DIAPH3: variants seen among roughly 807,000 people sequenced by gnomAD.
The protein encoded by DIAPH3 is diaphanous related formin 3, also known as protein diaphanous homolog 3.
Under a neutral mutation model 144.3 loss-of-function variants are expected in DIAPH3, and 117 were observed. The ratio of observed to expected loss-of-function variants is 0.81; its 90% confidence interval spans 0.70 to 0.95. DIAPH3 has a LOEUF of 0.95. DIAPH3 is among the 40% of genes least tolerant of loss of function. The probability of loss-of-function intolerance (pLI) is 0.00; values close to 1 mark genes in which losing one functional copy is unlikely to be tolerated. For synonymous variants in DIAPH3, 519 were observed against 488.9 expected, an observed-to-expected ratio of 1.06 and a Z score of -0.81; for missense variants, 1,421 against 1,412.7, an observed-to-expected ratio of 1.01 and a Z score of -0.09.
intron 21 of DIAPH3, among the ~76,000 whole-genome samples, chr13:59,873,534 C>T (rs974912832): frequency 6.6e-6 from 1 of 152,050 alleles, no homozygotes; most frequent in Non-Finnish European, 1.5e-5. Context: ...TAAAATGGCT[C>T]GAGAAACAGG....
chr13:60,021,039 A>G (rs2053980907), intron 5 of DIAPH3: 1 of 152,256 alleles, frequency 6.6e-6, no homozygotes, highest in Non-Finnish European at 1.5e-5. Context: ...GAAAAACCAC[A>G]TATGTAATGC....
intron 13 of DIAPH3, among the ~76,000 whole-genome samples, 157 bp downstream of exon 13, chr13:59,983,612 T>G (rs1594218684): frequency 6.6e-6 from 1 of 151,456 alleles, no homozygotes; most frequent in Non-Finnish European, 1.5e-5. Flanking sequence ...ACCAACCCAA[T>G]AAAAAAGGCG....
intron 27 of DIAPH3, among the ~76,000 whole-genome samples, chr13:59,751,032 T>C (rs2036982028): frequency 6.6e-6 from 1 of 152,260 alleles, no homozygotes; most frequent in Admixed American, 6.5e-5. Flanking sequence ...GCCGGTTGCC[T>C]TCAGCAGCAA....
chr13:59,776,067 C>T lies in DIAPH3; in HGVS notation c.3164-1244G>A, dbSNP rs1035881989. Among the ~76,000 whole-genome samples, 17 of 152,340 alleles carry T rather than the reference C, an allele frequency of 1.1e-4. No individual in the cohort carries two copies. In the East Asian group the frequency reaches 2.5e-3, roughly 22 times the overall value. On this transcript the variant is annotated intron_variant, in intron 25 of 27. Transcript: ENST00000400324. ...TTTATGAAATTGTATGGCTGGTATA[C>T]TGCTACATTTAAAATAATGGAAAGC...
chr13:60,089,962 G>T (rs1234503372), intron 4 of DIAPH3, among the ~76,000 whole-genome samples: 1 of 152,184 alleles, frequency 6.6e-6, no homozygotes, highest in Admixed American at 6.5e-5. Flanking sequence ...ACCCGGAGTA[G>T]CTTCCATGAG....
At chr13:59,963,102 C>T (rs2049854144) in intron 17 of DIAPH3, among the ~76,000 whole-genome samples, 2 of 152,102 alleles carry the variant, frequency 1.3e-5, no homozygotes, top group Admixed American at 1.3e-4. Context: ...TTGAAACATC[C>T]ATTCTTTTAA....
rs1183250259 is a variant in DIAPH3, at chr13:59,852,177, A to C, written c.2737+9230T>G. Among the ~76,000 whole-genome samples the C allele has an allele frequency of 1.2e-4, 18 of 152,210 alleles. 1 individual carries two copies. Among genetic ancestry groups the C allele is most frequent in the Non-Finnish European group, 2.6e-4 (18 of 68,040 alleles). On this transcript the variant is annotated intron_variant, in intron 22 of 27. Transcript: ENST00000400324. ...ACAGTGGTAGACACTTATATGACAAAAGGGTCTCACTGCTGATCAATTTTA... is the reference window on the plus strand; with the variant it reads ...ACAGTGGTAGACACTTATATGACAACAGGGTCTCACTGCTGATCAATTTTA...
At position 59,666,734 on chromosome 13, in the gene DIAPH3, C is replaced by T. The variant is rs746339607; in HGVS notation, c.3432G>A (p.Thr1144=). The T allele has an allele frequency of 3.5e-5, 56 of 1,614,006 alleles. No homozygotes were observed. The highest frequency in any genetic ancestry group is 2.2e-5 in the South Asian group (2 of 91,070). ...KELNYNLDTH[T]STGRIKAAEK... Reference sequence around the variant, plus strand: ...CAGCTGCCTTGATCCTCCCAGTAGACGTATGAGTGTCTAGATTATAATTAA... The same window carrying T: ...CAGCTGCCTTGATCCTCCCAGTAGATGTATGAGTGTCTAGATTATAATTAA... The change falls in exon 28 of 28, where the codon ACG becomes ACA. Residue 1144 remains threonine, a synonymous_variant. Coordinates refer to ENST00000400324, the MANE Select transcript of DIAPH3 (RefSeq NM_001042517.2).
intron 14 of DIAPH3, among the ~76,000 whole-genome samples, chr13:59,976,412 G>A (rs117160854): frequency 4.5e-4 from 69 of 151,858 alleles, no homozygotes; most frequent in African/African-American, 1.5e-3. Context: ...TCAGTTCCTC[G>A]GTCACACCAG....
At chr13:59,874,131 T>A (rs1163646755) in intron 21 of DIAPH3, among the ~76,000 whole-genome samples, 19 of 152,222 alleles carry the variant, frequency 1.2e-4, no homozygotes, top group Admixed American at 1.2e-3. Context: ...ACCAAGCGAT[T>A]CACATTTCAA....
chr13:59,669,339 C>T (rs1276262811), intron 27 of DIAPH3, among the ~76,000 whole-genome samples: 1 of 152,138 alleles, frequency 6.6e-6, no homozygotes, highest in Non-Finnish European at 1.5e-5. Context: ...TTCACTCTTC[C>T]ATTCTCCCAG....
At chr13:59,841,722 G>T (rs1243141466) in intron 22 of DIAPH3, among the ~76,000 whole-genome samples, 1 of 152,166 alleles carries the variant, frequency 6.6e-6, no homozygotes, top group African/African-American at 2.4e-5. Flanking sequence ...TAGTAGCAGT[G>T]ACAATAAAAA....
intron 1 of DIAPH3, among the ~76,000 whole-genome samples, chr13:60,159,525 G>A (rs1952188326): frequency 6.6e-6 from 1 of 151,910 alleles, no homozygotes; most frequent in African/African-American, 2.4e-5. Flanking sequence ...CTAGAAGGCT[G>A]AGGCAGGAGA....
intron 7 of DIAPH3, among the ~76,000 whole-genome samples, chr13:60,015,602 A>G (rs924708699): frequency 1.3e-5 from 2 of 151,232 alleles, no homozygotes; most frequent in African/African-American, 4.9e-5. Flanking sequence ...AGGACAAAAA[A>G]GCAGAGAAAG....
chr13:60,037,473 C>T (rs1335097121), intron 5 of DIAPH3, among the ~76,000 whole-genome samples: 1 of 151,950 alleles, frequency 6.6e-6, no homozygotes, highest in Non-Finnish European at 1.5e-5. Flanking sequence ...ATATTGCTTA[C>T]TTTTGTACCT....
chr13:60,057,953 C>T (rs1458891519), intron 4 of DIAPH3, among the ~76,000 whole-genome samples: 1 of 151,408 alleles, frequency 6.6e-6, no homozygotes, highest in South Asian at 2.1e-4. Flanking sequence ...AAATGAAAAC[C>T]TAGGAAAAAC....
chr13:59,968,039 T>C (rs887673421), intron 17 of DIAPH3, among the ~76,000 whole-genome samples: 8 of 152,196 alleles, frequency 5.3e-5, no homozygotes, highest in Admixed American at 1.3e-4. Context: ...GATGGAAATA[T>C]GGAGTATGCA....
chr13:59,755,350 C>T (rs1327681928), intron 27 of DIAPH3, among the ~76,000 whole-genome samples: 1 of 152,050 alleles, frequency 6.6e-6, no homozygotes, highest in South Asian at 2.1e-4. Context: ...AGCACAGTCT[C>T]AATTAGGAAA....
intron 25 of DIAPH3, among the ~76,000 whole-genome samples, chr13:59,798,087 C>T (rs567169304): frequency 1.1e-4 from 16 of 152,300 alleles, no homozygotes; most frequent in African/African-American, 3.8e-4. Flanking sequence ...TGTCTCCCCA[C>T]ACCCAATCCA....
Sources: allele counts gnomAD v4.1 joint callset (sites outside exome capture counted in the v4.1 genomes callset), GRCh38; gene constraint gnomAD v4.1.1; transcripts MANE v1.5; gene names NCBI Gene and HGNC (gene_info 2026-07-23, HGNC 2026-07-21).